Variants in SPAG16 observed in about 807,000 individuals in gnomAD.
SPAG16 encodes sperm-associated antigen 16 protein.
Under a neutral mutation model 80.4 loss-of-function variants are expected in SPAG16, and 86 were observed. The observed-to-expected ratio is 1.07, with a 90% CI of 0.90 to 1.28. SPAG16 has a LOEUF of 1.28. Among genes scored for constraint, SPAG16 ranks in the 50% most tolerant of loss-of-function variants. The pLI is 0.00. For missense variants in SPAG16, 870 were observed against 765.3 expected, an observed-to-expected ratio of 1.14 and a Z score of -1.61; for synonymous variants, 294 against 265.9, an observed-to-expected ratio of 1.11 and a Z score of -1.03.
At chr2:214,211,128 T>C (rs1276220690) in intron 15 of SPAG16, among the ~76,000 whole-genome samples, 1 of 152,066 alleles carries the variant, frequency 6.6e-6, no homozygotes. Flanking sequence ...TACAATGCAA[T>C]AAATTTAATT....
Position 213,569,780 on chromosome 2 carries a change from C to T in SPAG16, c.1070+79690C>T, listed in dbSNP as rs1397469837. On this transcript the variant is annotated intron_variant, in intron 10 of 15. Transcript: ENST00000331683. The stretch of plus-strand genomic sequence containing the variant: ...GAGTTAGGGAGGATTCCCTCTTTTT[C>T]TATTGATTGGAATAGTTTCCGAAGG... 3.4e-4 allele frequency among the ~76,000 whole-genome samples: 41 copies of T among 122,200 alleles called. 1 individual carries two copies. The highest frequency in any genetic ancestry group is 9.4e-5 in the Non-Finnish European group (6 of 63,728). The allele number at this position is 122,200 out of a possible 152,430, so 80.2% of individuals were successfully genotyped here. A position where few individuals can be genotyped will look rare whatever the true frequency, so the allele number is the denominator to read the frequency against.
intron 10 of SPAG16, among the ~76,000 whole-genome samples, chr2:213,613,165 C>A (rs1474593581): frequency 3.3e-5 from 5 of 152,158 alleles, no homozygotes; most frequent in Non-Finnish European, 5.9e-5. Context: ...TTACAGTGAT[C>A]TCCAAACTGG....
intron 9 of SPAG16, among the ~76,000 whole-genome samples, chr2:213,423,038 A>G (rs570721877): frequency 6.6e-6 from 1 of 152,262 alleles, no homozygotes; most frequent in East Asian, 1.9e-4. Flanking sequence ...TCTTTTATTG[A>G]CTTATTTTCT....
At chr2:214,028,890 A>G (rs766611131) in intron 13 of SPAG16, among the ~76,000 whole-genome samples, 1 of 152,118 alleles carries the variant, frequency 6.6e-6, no homozygotes, top group Non-Finnish European at 1.5e-5. Context: ...ATCATTCAAC[A>G]CGTAAGTACT....
intron 15 of SPAG16, among the ~76,000 whole-genome samples, chr2:214,353,184 A>C (rs1360750944): frequency 6.6e-6 from 1 of 152,134 alleles, no homozygotes; most frequent in Non-Finnish European, 1.5e-5. Context: ...AATCTGTGGA[A>C]AAAATGCAGT....
At chr2:213,449,996 C>T (rs1559144714) in intron 9 of SPAG16, among the ~76,000 whole-genome samples, 1 of 152,044 alleles carries the variant, frequency 6.6e-6, no homozygotes. Flanking sequence ...CATACTTAGT[C>T]TTTTTATGAT....
chr2:213,590,553 A>G (rs949533905), intron 10 of SPAG16, among the ~76,000 whole-genome samples: 1 of 152,186 alleles, frequency 6.6e-6, no homozygotes, highest in African/African-American at 2.4e-5. Flanking sequence ...AAACACTAGC[A>G]TCATCACTAG....
At chr2:213,432,717 T>C (rs143669254) in intron 9 of SPAG16, among the ~76,000 whole-genome samples, 6 of 152,206 alleles carry the variant, frequency 3.9e-5, no homozygotes, top group African/African-American at 1.4e-4. Context: ...TTTCAAAAAA[T>C]TGAGGTGGTG....
At chr2:213,301,073 C>A (rs988726326) in intron 3 of SPAG16, among the ~76,000 whole-genome samples, 1 of 152,054 alleles carries the variant, frequency 6.6e-6, no homozygotes, top group African/African-American at 2.4e-5. Flanking sequence ...CGGAAAAAAA[C>A]GCAATTACTT....
intron 10 of SPAG16, among the ~76,000 whole-genome samples, chr2:213,675,638 A>G (rs2064026419): frequency 2.0e-5 from 3 of 152,242 alleles, no homozygotes; most frequent in Admixed American, 6.5e-5. Flanking sequence ...TTTATTAAAT[A>G]GGGAATCCTT....
chr2:213,997,866 A>G (rs4673800), intron 12 of SPAG16, among the ~76,000 whole-genome samples: 74,105 of 152,036 alleles, frequency 0.49, 18,559 homozygotes, highest in South Asian at 0.76. Flanking sequence ...TTGTTTTGTA[A>G]CAACACAGTG....
chr2:213,499,838 T>C (rs1441921050), intron 10 of SPAG16, among the ~76,000 whole-genome samples: 1 of 152,166 alleles, frequency 6.6e-6, no homozygotes, highest in African/African-American at 2.4e-5. Flanking sequence ...GGTTTCTTAC[T>C]CTTGCTTGTC....
intron 10 of SPAG16, among the ~76,000 whole-genome samples, chr2:213,814,423 A>G (rs955497231): frequency 1.3e-5 from 2 of 152,224 alleles, no homozygotes; most frequent in African/African-American, 2.4e-5. Context: ...ATTGGGCACT[A>G]TAGTCTAGAC....
intron 15 of SPAG16, among the ~76,000 whole-genome samples, chr2:214,293,457 T>C (rs190412856): frequency 2.0e-5 from 3 of 152,240 alleles, no homozygotes; most frequent in Admixed American, 2.0e-4. Flanking sequence ...CCCTAGGCCT[T>C]TGGAATGTGT....
At chr2:213,858,944 G>A (rs2075291874) in intron 10 of SPAG16, among the ~76,000 whole-genome samples, 1 of 151,736 alleles carries the variant, frequency 6.6e-6, no homozygotes, top group Non-Finnish European at 1.5e-5. Context: ...ACTTTGGGAG[G>A]CCGAGGTGGG....
intron 12 of SPAG16, among the ~76,000 whole-genome samples, chr2:213,996,034 A>T (rs1195181154): frequency 6.6e-6 from 1 of 152,212 alleles, no homozygotes; most frequent in Non-Finnish European, 1.5e-5. Flanking sequence ...TTAGAGTTTC[A>T]TAAAAGATGA....
At chr2:213,497,070 A>G (rs1231742871) in intron 10 of SPAG16, among the ~76,000 whole-genome samples, 1 of 151,970 alleles carries the variant, frequency 6.6e-6, no homozygotes, top group African/African-American at 2.4e-5. Flanking sequence ...ATCATTACTT[A>G]TAAGTATTTT....
chr2:213,689,534 T>C (rs2064847012), intron 10 of SPAG16, among the ~76,000 whole-genome samples: 1 of 134,508 alleles, frequency 7.4e-6, no homozygotes, highest in African/African-American at 2.6e-5. Context: ...GGGGCTTTTT[T>C]TTTTTTTTTT....
At chr2:213,472,712 C>T (rs1054917503) in intron 9 of SPAG16, among the ~76,000 whole-genome samples, 9 of 152,054 alleles carry the variant, frequency 5.9e-5, no homozygotes, top group Non-Finnish European at 1.3e-4. Flanking sequence ...CAGGATGCAC[C>T]ACAATTCAGA....
Sources: allele counts gnomAD v4.1 joint callset (sites outside exome capture counted in the v4.1 genomes callset), GRCh38; gene constraint gnomAD v4.1.1; transcripts MANE v1.5; gene names NCBI Gene and HGNC (gene_info 2026-07-23, HGNC 2026-07-21).